GPC3: variants seen among roughly 807,000 people sequenced by gnomAD.
The protein encoded by GPC3 is glypican 3, also known as glypican-3.
Under a neutral mutation model 34.4 loss-of-function variants are expected in GPC3, and 3 were observed. The ratio of observed to expected loss-of-function variants is 0.09; its 90% confidence interval spans 0.04 to 0.23. GPC3 has a LOEUF of 0.23. GPC3 is among the 10% of genes least tolerant of loss of function. The pLI is 1.00. For missense variants in GPC3, 351 were observed against 445.6 expected, an observed-to-expected ratio of 0.79 and a Z score of 1.91; for synonymous variants, 177 against 174.0, an observed-to-expected ratio of 1.02 and a Z score of -0.13.
At chrX:133,686,682 T>G (rs1422327612) in intron 5 of GPC3, among the ~76,000 whole-genome samples, 2 of 109,822 alleles carry the variant, frequency 1.8e-5, no homozygotes, top group Admixed American at 2.0e-4. Flanking sequence ...TAGAGAGAGA[T>G]GGTGGTTGTA....
chrX:133,559,958 A>G (rs2040522201), intron 7 of GPC3, among the ~76,000 whole-genome samples: 1 of 109,306 alleles, frequency 9.1e-6, no homozygotes, highest in African/African-American at 3.3e-5. Context: ...TTCTCTCTCT[A>G]ATCTTTATTG....
chrX:133,918,352 A>C (rs772487318), intron 2 of GPC3, among the ~76,000 whole-genome samples: 2 of 112,559 alleles, frequency 1.8e-5, no homozygotes, highest in Non-Finnish European at 3.8e-5. Flanking sequence ...AAGGTGACCT[A>C]GTATGTTATA....
intron 2 of GPC3, among the ~76,000 whole-genome samples, chrX:133,882,162 G>A (rs774939743): frequency 1.5e-4 from 17 of 111,799 alleles, no homozygotes; most frequent in Non-Finnish European, 2.8e-4. Context: ...CCCCCACAAT[G>A]ATTCCAGCGA....
intron 2 of GPC3, among the ~76,000 whole-genome samples, chrX:133,896,941 C>G (rs1187304388): frequency 1.0e-5 from 1 of 99,206 alleles, no homozygotes; most frequent in Non-Finnish European, 2.0e-5. Context: ...GAGTCTCGCT[C>G]TGTCGCCCAG....
At chrX:133,691,565 A>G (rs1175941691) in intron 5 of GPC3, among the ~76,000 whole-genome samples, 1 of 110,808 alleles carries the variant, frequency 9.0e-6, no homozygotes, top group African/African-American at 3.3e-5. Context: ...TCCATAAAAT[A>G]TTTCAGTAAA....
At chrX:133,556,534 G>A (rs1190117039) in intron 7 of GPC3, among the ~76,000 whole-genome samples, 1 of 110,163 alleles carries the variant, frequency 9.1e-6, no homozygotes, top group Non-Finnish European at 1.9e-5. Context: ...AAACAATGCT[G>A]TAGTGAATAT....
At chrX:133,847,831 C>G (rs1441806478) in intron 2 of GPC3, among the ~76,000 whole-genome samples, 1 of 111,779 alleles carries the variant, frequency 8.9e-6, no homozygotes, top group Non-Finnish European at 1.9e-5. Flanking sequence ...TACAAGAGAA[C>G]TGGTGCCTGC....
chrX:133,853,295 A>ATCT (rs894813621), intron 2 of GPC3, among the ~76,000 whole-genome samples: 1 of 111,778 alleles, frequency 8.9e-6, no homozygotes, highest in African/African-American at 3.3e-5. Flanking sequence ...TTCCCATAAC[A>ATCT]TCTTCTTCTT....
intron 2 of GPC3, among the ~76,000 whole-genome samples, chrX:133,906,763 A>G (rs917396787): frequency 8.9e-6 from 1 of 112,031 alleles, no homozygotes; most frequent in African/African-American, 3.2e-5. Context: ...GCTCTCTAGA[A>G]TCTGGTATGA....
intron 2 of GPC3, among the ~76,000 whole-genome samples, chrX:133,938,696 T>C (rs1011203140): frequency 1.8e-4 from 20 of 112,316 alleles, no homozygotes; most frequent in Non-Finnish European, 1.9e-5. Flanking sequence ...TTACAAAATA[T>C]TTACCTTCTG....
chrX:133,874,303 T>C (rs766116684), intron 2 of GPC3, among the ~76,000 whole-genome samples: 25 of 112,175 alleles, frequency 2.2e-4, no homozygotes, highest in African/African-American at 8.1e-4. Context: ...GTTTGACCAA[T>C]AATTTCTTTA....
At chrX:133,702,952 G>T (rs1244527803) in intron 3 of GPC3, among the ~76,000 whole-genome samples, 1 of 112,194 alleles carries the variant, frequency 8.9e-6, no homozygotes, top group East Asian at 2.8e-4. Context: ...GTGAGCTATA[G>T]GTGAATATTA....
intron 6 of GPC3, among the ~76,000 whole-genome samples, chrX:133,602,227 A>G (rs542569766): frequency 8.9e-6 from 1 of 111,939 alleles, no homozygotes; most frequent in African/African-American, 3.2e-5. Context: ...AGTTGAGCCC[A>G]TAGAAGTAGA....
intron 7 of GPC3, among the ~76,000 whole-genome samples, chrX:133,554,002 TTCTC>T (rs139778698): frequency 4.7e-5 from 5 of 107,016 alleles, no homozygotes; most frequent in East Asian, 3.0e-4. Context: ...ACTATCCTCT[TTCTC>T]TCTCTCTCTC....
intron 2 of GPC3, among the ~76,000 whole-genome samples, chrX:133,791,659 C>T (rs891979330): frequency 1.8e-5 from 2 of 110,586 alleles, no homozygotes; most frequent in African/African-American, 6.6e-5. Context: ...TTCCTGACCT[C>T]AGTTTTCCTG....
intron 6 of GPC3, among the ~76,000 whole-genome samples, chrX:133,644,030 G>A (rs2070515391): frequency 9.1e-6 from 1 of 110,007 alleles, no homozygotes; most frequent in Non-Finnish European, 1.9e-5. Context: ...GTTTCGCTAT[G>A]TTGGCCAGGC....
chrX:133,831,254 T>C (rs1053034598), intron 2 of GPC3, among the ~76,000 whole-genome samples: 1 of 112,122 alleles, frequency 8.9e-6, no homozygotes, highest in East Asian at 2.8e-4. Flanking sequence ...ATGTAAAATC[T>C]AGGTCTGTAC....
At chrX:133,819,007 T>G (rs755191272) in intron 2 of GPC3, among the ~76,000 whole-genome samples, 1 of 109,620 alleles carries the variant, frequency 9.1e-6, no homozygotes, top group East Asian at 2.9e-4. Flanking sequence ...TTTATTATTA[T>G]TATACTTTAA....
At chrX:133,642,772 C>CAAAAAAAAAA (rs375514321) in intron 6 of GPC3, among the ~76,000 whole-genome samples, 1 of 25,793 alleles carries the variant, frequency 3.9e-5, no homozygotes. Context: ...AACTACGTCT[C>CAAAAAAAAAA]AAAAAAAAAA....
Sources: gnomAD v4.1 joint callset for allele counts (sites outside exome capture counted in the v4.1 genomes callset) on GRCh38, gnomAD v4.1.1 for gene constraint, MANE v1.5 for transcripts, NCBI Gene and HGNC (gene_info 2026-07-23, HGNC 2026-07-21) for gene names.